KATNAL2: variants seen among roughly 807,000 people sequenced by gnomAD.
KATNAL2 encodes katanin catalytic subunit A1 like 2.
Under a neutral mutation model 76.3 loss-of-function variants are expected in KATNAL2, and 52 were observed. That is an observed-to-expected ratio of 0.68 (90% CI 0.55 to 0.86). The LOEUF is 0.86. Among genes scored for constraint, KATNAL2 ranks in the 40% least tolerant of loss-of-function variants. KATNAL2 has a pLI of 0.00. For synonymous variants in KATNAL2, 243 were observed against 244.2 expected, an observed-to-expected ratio of 1.00 and a Z score of 0.05; for missense variants, 660 against 668.9, an observed-to-expected ratio of 0.99 and a Z score of 0.15.
intron 3 of KATNAL2, among the ~76,000 whole-genome samples, chr18:47,036,848 G>A (rs1205142316): frequency 6.6e-6 from 1 of 152,184 alleles, no homozygotes; most frequent in Non-Finnish European, 1.5e-5. Context: ...TTCTGGATCT[G>A]TAGACACTTC....
chr18:47,099,126 AGT>A (rs1185623912), intron 15 of KATNAL2, 115 bp from the exon 16 acceptor site: 5 of 956,286 alleles, frequency 5.2e-6, no homozygotes, highest in Non-Finnish European at 6.4e-6. Context: ...ATAGATGTAG[AGT>A]GACAGTTAAA....
intron 1 of KATNAL2, among the ~76,000 whole-genome samples, chr18:46,938,556 C>G (rs1410964479): frequency 1.3e-5 from 2 of 152,172 alleles, no homozygotes; most frequent in African/African-American, 2.4e-5. Context: ...TATCCTAACT[C>G]TGATCGTTCT....
chr18:46,960,680 G>A (rs1005874442), intron 3 of KATNAL2, among the ~76,000 whole-genome samples: 10 of 152,140 alleles, frequency 6.6e-5, no homozygotes, highest in African/African-American at 2.4e-4. Flanking sequence ...AAATCTTGTG[G>A]GACAGAAGAG....
intron 3 of KATNAL2, among the ~76,000 whole-genome samples, chr18:46,960,545 A>G (rs2059907919): frequency 6.6e-6 from 1 of 152,194 alleles, no homozygotes; most frequent in Admixed American, 6.5e-5. Context: ...GAGCTATGCA[A>G]AAAAAGAGCT....
At chr18:47,075,863 T>TG (rs1249283740) in intron 14 of KATNAL2, among the ~76,000 whole-genome samples, 1 of 152,254 alleles carries the variant, frequency 6.6e-6, no homozygotes, top group East Asian at 1.9e-4. Context: ...TCAGCAGGGC[T>TG]GACTTTAAAT....
chr18:47,066,608 G>A (rs2061801344), intron 10 of KATNAL2, among the ~76,000 whole-genome samples: 1 of 151,938 alleles, frequency 6.6e-6, no homozygotes, highest in South Asian at 2.1e-4. Context: ...TAGGAACTAT[G>A]TTTCACAGTA....
In KATNAL2 at chr18:47,038,088, TA is replaced by T. The variant is rs1188400352; in HGVS notation, c.52-8360del. Among the ~76,000 whole-genome samples, 274 of 151,124 alleles carry T rather than the reference TA, an allele frequency of 1.8e-3. 2 individuals are homozygous for T. The highest frequency in any genetic ancestry group is 6.5e-3 in the African/African-American group (267 of 41,268). On this transcript the variant is annotated intron_variant, in intron 3 of 17. Transcript: ENST00000683218. ...ACTCTTTTGCAAACTGTGATTCTAA[TA>T]AAAAAAAAGTGGAAATTCTTTTGAT... is the stretch of plus-strand genomic sequence containing the variant.
chr18:47,059,552 T>C lies in KATNAL2; in HGVS notation c.451-4T>C, dbSNP rs375281989. 67 of 1,595,022 alleles carry C rather than the reference T, an allele frequency of 4.2e-5. No individual in the cohort carries two copies. Among genetic ancestry groups the C allele is most frequent in the African/African-American group, 5.4e-5 (4 of 74,564 alleles). ...CCGATGTGTCCTTGTCTCTCTTTCT[T>C]CAGGAGGTAGTTGATAACACTCGCC... On this transcript the variant is annotated splice_region_variant and splice_polypyrimidine_tract_variant and intron_variant, in intron 7 of 17. Coordinates refer to ENST00000683218, the MANE Select transcript of KATNAL2 (RefSeq NM_001387690.1).
rs183755035 is a variant in KATNAL2, at chr18:47,046,833, G to A, written c.122+306G>A. On this transcript the variant is annotated intron_variant, in intron 4 of 17. Coordinates refer to ENST00000683218, the MANE Select transcript of KATNAL2 (RefSeq NM_001387690.1). ...TTGTGCTGTGAGTTTTGACAAATGC[G>A]TAATGGCCATGTATTTGCCAATATG... is the stretch of plus-strand genomic sequence containing the variant. 6.4e-4 allele frequency among the ~76,000 whole-genome samples: 97 copies of A among 152,238 alleles called. 3 individuals are homozygous for A. The East Asian group carries it at 0.016, about 25-fold the overall frequency.
intron 3 of KATNAL2, among the ~76,000 whole-genome samples, chr18:47,031,021 C>T (rs1477729826): frequency 2.9e-5 from 1 of 34,706 alleles, no homozygotes; most frequent in Non-Finnish European, 9.1e-5. Flanking sequence ...CTCCCCCCCC[C>T]CCCCCCGCCC....
At chr18:46,931,073 C>T (rs2058896811) in intron 1 of KATNAL2, among the ~76,000 whole-genome samples, 2 of 149,722 alleles carry the variant, frequency 1.3e-5, no homozygotes, top group South Asian at 4.2e-4. Flanking sequence ...GCACTCCAGC[C>T]TTGGCAATAG....
rs76830518 is a variant in KATNAL2, at chr18:46,938,343, T to C, written c.-509-7714T>C. 6.7e-3 allele frequency among the ~76,000 whole-genome samples: 1,027 copies of C among 152,186 alleles called. 6 individuals carry two copies. Among genetic ancestry groups the C allele is most frequent in the Non-Finnish European group, 0.011 (744 of 68,000 alleles). ...TCAAAACCAGGACAGCTGGTACCTC[T>C]GGGGGATGGGAATAGGATCTGTAAA... On this transcript the variant is annotated intron_variant, in intron 1 of 17. Coordinates refer to ENST00000683218, the MANE Select transcript of KATNAL2 (RefSeq NM_001387690.1).
At chr18:47,066,888 T>TATATATATATATGAACACAC in intron 10 of KATNAL2, 133 bp from the exon 11 acceptor site, 1 of 75,816 alleles carries the variant, frequency 1.3e-5, no homozygotes, top group Non-Finnish European at 2.8e-5. Flanking sequence ...TATATATATA[T>TATATATATATATGAACACAC]ATATAATATG....
chr18:46,949,837 G>A (rs973152974), intron 3 of KATNAL2, among the ~76,000 whole-genome samples: 2 of 152,016 alleles, frequency 1.3e-5, no homozygotes, highest in Admixed American at 1.3e-4. Flanking sequence ...CACATTAATA[G>A]CATCTTAGCT....
chr18:46,948,683 C>A (rs2059456295), intron 3 of KATNAL2, among the ~76,000 whole-genome samples: 2 of 152,118 alleles, frequency 1.3e-5, no homozygotes, highest in Non-Finnish European at 2.9e-5. Flanking sequence ...CTGCCTTGGC[C>A]TCCCAAAGTG....
rs1273439314 is a variant in KATNAL2 at position 47,100,290 on chromosome 18, G to A, written c.1411G>A (p.Val471Ile). Residue 471 changes from valine (V) to isoleucine (I), a missense_variant, in exon 17 of 18, where the codon GTC becomes ATC. By Grantham distance (29) the Val-to-Ile change is conservative. Transcript: ENST00000683218. Reference protein sequence around the residue: ...EGYSGSDIKLVCREAAMRPVR... With the variant: ...EGYSGSDIKLICREAAMRPVR... ...CTACTCAGGCTCAGATATTAAGCTCGTCTGCAGGGAAGCAGCCATGCGGCC... is the reference window on the plus strand; with the variant it reads ...CTACTCAGGCTCAGATATTAAGCTCATCTGCAGGGAAGCAGCCATGCGGCC... 1.1e-5 allele frequency: 18 copies of A among 1,614,120 alleles called. No homozygotes were observed. Among genetic ancestry groups the A allele is most frequent in the Admixed American group, 1.7e-5 (1 of 60,022 alleles).
chr18:47,086,932 C>G (rs1327202758), intron 15 of KATNAL2, among the ~76,000 whole-genome samples: 1 of 152,214 alleles, frequency 6.6e-6, no homozygotes, highest in Non-Finnish European at 1.5e-5. Context: ...ATTACCTTTT[C>G]TTCTTCACAG....
intron 3 of KATNAL2, chr18:47,034,125 A>C: frequency 6.2e-7 from 1 of 1,614,160 alleles, no homozygotes; most frequent in Non-Finnish European, 8.5e-7. Flanking sequence ...CACATGACAG[A>C]GTGGGCTGCT....
In KATNAL2 at chr18:47,100,899, T is replaced by A; in HGVS notation, c.1511T>A (p.Ile504Lys). ...SSDLPRIQLD[I>K]VTTADFLDVL... ...GACTTACCCAGGATCCAGTTGGATA[T>A]AGTAACCACTGCCGACTTTCTGGAT... The change falls in exon 18 of 18, where the codon ATA (isoleucine) becomes AAA (lysine). Residue 504 changes from isoleucine (I) to lysine (K), a missense_variant. Coordinates refer to ENST00000683218, the MANE Select transcript of KATNAL2 (RefSeq NM_001387690.1). 1 of 1,614,176 alleles carries A rather than the reference T, an allele frequency of 6.2e-7. No homozygotes were observed. Among genetic ancestry groups the A allele is most frequent in the Admixed American group, 1.7e-5 (1 of 60,022 alleles).
Sources: gnomAD v4.1 joint callset for allele counts (sites outside exome capture counted in the v4.1 genomes callset) on GRCh38, gnomAD v4.1.1 for gene constraint, MANE v1.5 for transcripts, NCBI Gene and HGNC (gene_info 2026-07-23, HGNC 2026-07-21) for gene names.